SLC17A4: variants seen among roughly 807,000 people sequenced by gnomAD.
The protein encoded by SLC17A4 is probable small intestine urate exporter.
A neutral mutation model predicts 52.5 loss-of-function variants in SLC17A4; 33 were observed. The ratio of observed to expected loss-of-function variants is 0.63; its 90% confidence interval spans 0.48 to 0.84. The LOEUF (loss-of-function observed/expected upper bound fraction) is 0.84. SLC17A4 is among the 40% of genes least tolerant of loss of function. The probability of loss-of-function intolerance (pLI) is 0.00; values close to 1 mark genes in which losing one functional copy is unlikely to be tolerated. For missense variants in SLC17A4, 585 were observed against 597.1 expected, an observed-to-expected ratio of 0.98 and a Z score of 0.21; for synonymous variants, 225 against 216.2, an observed-to-expected ratio of 1.04 and a Z score of -0.36.
chr6:25,757,716 G>C (rs796966481), intron 1 of SLC17A4, among the ~76,000 whole-genome samples: 1 of 152,146 alleles, frequency 6.6e-6, no homozygotes, highest in African/African-American at 2.4e-5. Context: ...GAAGCAGGAA[G>C]TGTCTTTCTT....
intron 1 of SLC17A4, among the ~76,000 whole-genome samples, chr6:25,756,409 G>A (rs1320884471): frequency 6.6e-6 from 1 of 152,170 alleles, no homozygotes; most frequent in African/African-American, 2.4e-5. Flanking sequence ...ACTAGGCAGA[G>A]TGCTTGCCCT....
At chr6:25,769,737 CA>C (rs763260829) in intron 3 of SLC17A4, among the ~76,000 whole-genome samples, 19 of 152,018 alleles carry the variant, frequency 1.2e-4, no homozygotes, top group Non-Finnish European at 1.9e-4. Context: ...AAAATCACTA[CA>C]AAATATGTTT....
At chr6:25,764,084 C>T (rs1263675097) in intron 2 of SLC17A4, among the ~76,000 whole-genome samples, 1 of 152,154 alleles carries the variant, frequency 6.6e-6, no homozygotes, top group South Asian at 2.1e-4. Flanking sequence ...GGAGGACACC[C>T]CAAAGTCACA....
chr6:25,770,532 G>C (rs9467594), intron 5 of SLC17A4, 61 bp downstream of exon 5: 54,771 of 1,485,204 alleles, frequency 0.037, 2,314 homozygotes, highest in African/African-American at 0.2. Flanking sequence ...GCAAAGTCCT[G>C]CCAACAGAAC....
chr6:25,766,129 T>A (rs1170295748), intron 2 of SLC17A4, among the ~76,000 whole-genome samples: 1 of 150,470 alleles, frequency 6.6e-6, no homozygotes, highest in Admixed American at 6.6e-5. Flanking sequence ...ATATTTAAAA[T>A]ATAATTGAAT....
Position 25,773,501 on chromosome 6 carries a change from G to A in SLC17A4, c.826-12G>A. 6.2e-7 allele frequency: 1 copy of A among 1,613,690 alleles called. No homozygotes were observed. Among genetic ancestry groups the A allele is most frequent in the Non-Finnish European group, 8.5e-7 (1 of 1,179,792 alleles). ...TCTGACGGAGGGGACATTGATGTGT[G>A]CTTTCTTCCAGGACTGTTCACCAGG... On this transcript the variant is annotated splice_polypyrimidine_tract_variant and intron_variant, in intron 7 of 11. Coordinates refer to ENST00000377905, the MANE Select transcript of SLC17A4 (RefSeq NM_005495.3).
intron 1 of SLC17A4, among the ~76,000 whole-genome samples, chr6:25,758,240 T>G (rs1761192521): frequency 6.6e-6 from 1 of 152,204 alleles, no homozygotes; most frequent in African/African-American, 2.4e-5. Context: ...ATAATTTGAC[T>G]TGAAGTGACG....
rs763939559 is a variant in SLC17A4 at position 25,770,983 on chromosome 6, T to C, written c.677T>C (p.Ile226Thr). ...GCTGGTGGTCTCCTCTGCCAGACCA[T>C]AGGATGGCCTTACGTCTTCTATATC... ...LLAGGLLCQT[I>T]GWPYVFYIFG... The change falls in exon 6 of 12, where the codon ATA becomes ACA. Residue 226 changes from isoleucine (I) to threonine (T), a missense_variant. By Grantham distance (89) the Ile-to-Thr change is moderately conservative. Coordinates refer to ENST00000377905, the MANE Select transcript of SLC17A4 (RefSeq NM_005495.3). 10 of 1,613,892 alleles carry C rather than the reference T, an allele frequency of 6.2e-6. No individual in the cohort carries two copies. The highest frequency in any genetic ancestry group is 8.5e-6 in the Non-Finnish European group (10 of 1,179,814).
intron 3 of SLC17A4, 96 bp from the exon 4 acceptor site, chr6:25,769,971 A>C: frequency 9.7e-7 from 1 of 1,033,280 alleles, no homozygotes; most frequent in Non-Finnish European, 1.5e-6. Context: ...GTAAACAGAA[A>C]GATAACTGCC....
At chr6:25,770,694 A>C (rs1457523983) in intron 5 of SLC17A4, among the ~76,000 whole-genome samples, 4 of 152,182 alleles carry the variant, frequency 2.6e-5, no homozygotes, top group Non-Finnish European at 5.9e-5. Flanking sequence ...TTATCCTCAA[A>C]ATAATTTTAT....
chr6:25,773,180 G>A (rs890396326), intron 6 of SLC17A4, 95 bp from the exon 7 acceptor site: 2 of 930,524 alleles, frequency 2.1e-6, no homozygotes, highest in Admixed American at 1.7e-5. Context: ...GGTGTACTGA[G>A]GCCAGTCACT....
intron 6 of SLC17A4, 56 bp from the exon 7 acceptor site, chr6:25,773,219 C>T: frequency 2.9e-6 from 4 of 1,359,820 alleles, no homozygotes; most frequent in Non-Finnish European, 4.2e-6. Flanking sequence ...ATCTTAGAGT[C>T]AAACTGAAAG....
At chr6:25,775,298 C>T (rs2151456569) in intron 8 of SLC17A4, among the ~76,000 whole-genome samples, 1 of 150,442 alleles carries the variant, frequency 6.6e-6, no homozygotes, top group South Asian at 2.1e-4. Context: ...TGACATTGCA[C>T]TCCAGCCTGG....
chr6:25,771,794 A>G (rs1235506331), intron 6 of SLC17A4, among the ~76,000 whole-genome samples: 1 of 152,130 alleles, frequency 6.6e-6, no homozygotes, highest in Non-Finnish European at 1.5e-5. Flanking sequence ...AGACTGCAGG[A>G]CAGGGCAGAT....
At chr6:25,759,426 T>G (rs989642805) in intron 1 of SLC17A4, among the ~76,000 whole-genome samples, 1 of 152,224 alleles carries the variant, frequency 6.6e-6, no homozygotes, top group Non-Finnish European at 1.5e-5. Flanking sequence ...ATTATGTTGC[T>G]GTCTATCTCA....
At chr6:25,760,445 T>A (rs750069499) in intron 1 of SLC17A4, among the ~76,000 whole-genome samples, 10 of 152,224 alleles carry the variant, frequency 6.6e-5, no homozygotes, top group Non-Finnish European at 1.3e-4. Flanking sequence ...TATGTTTAGG[T>A]GTAAATTTCA....
Position 25,779,475 on chromosome 6 carries a change from A to C in SLC17A4, c.*287A>C, listed in dbSNP as rs1161358920. 3.4e-6 allele frequency: 1 copy of C among 298,272 alleles called. No homozygotes were observed. Among genetic ancestry groups the C allele is most frequent in the African/African-American group, 2.2e-5 (1 of 46,176 alleles). 18.5% of individuals were successfully genotyped at this position (298,272 alleles called of 1,614,324 possible). A position where few individuals can be genotyped will look rare whatever the true frequency, so the allele number is the denominator to read the frequency against. ...CTGGGGACAATTTCTTTCCAAAGCA[A>C]AAGAGGAAGCCAGACCTTGGGACCG... On this transcript the variant is annotated 3_prime_UTR_variant, in exon 12 of 12. Transcript: ENST00000377905.
At chr6:25,755,155 AT>A (rs958961068) in intron 1 of SLC17A4, among the ~76,000 whole-genome samples, 6 of 152,070 alleles carry the variant, frequency 3.9e-5, no homozygotes, top group African/African-American at 1.2e-4. Flanking sequence ...AAGTACATTA[AT>A]TTTTTTAAGC....
In SLC17A4 at chr6:25,760,775, T is replaced by A. The variant is rs78582844; in HGVS notation, c.-36-1152T>A. 9.6e-3 allele frequency among the ~76,000 whole-genome samples: 1,454 copies of A among 152,216 alleles called. 16 individuals are homozygous for A. Among genetic ancestry groups the A allele is most frequent in the Non-Finnish European group, 0.013 (907 of 67,988 alleles). On this transcript the variant is annotated intron_variant, in intron 1 of 11. Coordinates refer to ENST00000377905, the MANE Select transcript of SLC17A4 (RefSeq NM_005495.3). ...TTAGTTTCAAATTTTAATGCCTAAT[T>A]TTTTTTGTATTTCAAGTAGTATCTT...
Sources: allele counts gnomAD v4.1 joint callset (sites outside exome capture counted in the v4.1 genomes callset), GRCh38; gene constraint gnomAD v4.1.1; transcripts MANE v1.5; gene names NCBI Gene and HGNC (gene_info 2026-07-23, HGNC 2026-07-21).